The following DRC10 variants were observed in gnomAD, a reference collection of about 807,000 sequenced individuals.
DRC10 encodes the protein IQ domain-containing protein D.
At chr12:113,211,008 G>A in the DRC10 span, among the ~76,000 whole-genome samples, 1 of 152,168 alleles carries the variant, frequency 6.6e-6, no homozygotes, top group Non-Finnish European at 1.5e-5. Context: ...AAGAAACTAT[G>A]GCAGAAATTG....
At chr12:113,208,372 C>T in the DRC10 span, 1 of 1,384,474 alleles carries the variant, frequency 7.2e-7, no homozygotes, top group Middle Eastern at 2.7e-4. Context: ...TCCTCTGTCG[C>T]TTTTACACAG....
chr12:113,214,160 C>G, the DRC10 span, among the ~76,000 whole-genome samples: 2 of 152,066 alleles, frequency 1.3e-5, no homozygotes, highest in African/African-American at 2.4e-5. Context: ...GCAACAGATT[C>G]ATGATGAAAC....
At chr12:113,215,132 C>G in the DRC10 span, among the ~76,000 whole-genome samples, 1 of 152,238 alleles carries the variant, frequency 6.6e-6, no homozygotes, top group Non-Finnish European at 1.5e-5. Flanking sequence ...TTTCCACTGA[C>G]CACAAGCTAT....
chr12:113,207,239 T>C, the DRC10 span: 1 of 648,306 alleles, frequency 1.5e-6, no homozygotes, highest in Non-Finnish European at 2.8e-6. Flanking sequence ...TCCCAACTAC[T>C]TGGGAGGCTG....
chr12:113,196,792 G>A, the DRC10 span, among the ~76,000 whole-genome samples: 18 of 152,232 alleles, frequency 1.2e-4, no homozygotes, highest in Admixed American at 3.3e-4. Context: ...GGGTTTGGGC[G>A]TGTCTCGATT....
chr12:113,197,526 T>C, the DRC10 span: 1 of 1,510,902 alleles, frequency 6.6e-7, no homozygotes, highest in South Asian at 1.2e-5. Context: ...GAGAGACTTA[T>C]TCAGCGACAA....
the DRC10 span, among the ~76,000 whole-genome samples, chr12:113,208,968 G>A: frequency 6.6e-6 from 1 of 152,290 alleles, no homozygotes; most frequent in East Asian, 1.9e-4. Context: ...GTCTTGCTCT[G>A]TCGCCCAGGC....
the DRC10 span, among the ~76,000 whole-genome samples, chr12:113,219,760 C>T: frequency 7.2e-5 from 11 of 152,184 alleles, no homozygotes; most frequent in Middle Eastern, 3.4e-3. Context: ...GCAACCTCCG[C>T]CTCTTGCGAT....
chr12:113,217,301 G>T, the DRC10 span, among the ~76,000 whole-genome samples: 2 of 151,718 alleles, frequency 1.3e-5, no homozygotes, highest in African/African-American at 4.8e-5. Flanking sequence ...CACCTTTCCT[G>T]CATAGTACTA....
the DRC10 span, among the ~76,000 whole-genome samples, chr12:113,214,759 C>A: frequency 1.3e-5 from 2 of 151,898 alleles, no homozygotes; most frequent in Non-Finnish European, 2.9e-5. Flanking sequence ...TTACTCAGGG[C>A]TTGGAATTTT....
the DRC10 span, chr12:113,200,539 C>T: frequency 7.3e-5 from 98 of 1,349,070 alleles, 1 homozygote; most frequent in Non-Finnish European, 9.5e-5. Context: ...TCCCCCCCAC[C>T]AGGGGCCCCC....
At chr12:113,212,255 G>A in the DRC10 span, among the ~76,000 whole-genome samples, 2 of 151,924 alleles carry the variant, frequency 1.3e-5, no homozygotes, top group African/African-American at 4.8e-5. Context: ...TTTTAATAGA[G>A]ACAGGGTTTC....
At chr12:113,219,430 AGTTT>A in the DRC10 span, among the ~76,000 whole-genome samples, 4 of 152,162 alleles carry the variant, frequency 2.6e-5, no homozygotes, top group Admixed American at 1.3e-4. Context: ...TGAAAGCTAC[AGTTT>A]GTTTATTTAT....
At chr12:113,209,929 A>G in the DRC10 span, among the ~76,000 whole-genome samples, 3 of 152,190 alleles carry the variant, frequency 2.0e-5, no homozygotes, top group Non-Finnish European at 4.4e-5. Context: ...AGTTCAAGAC[A>G]AGCCTGGCCA....
chr12:113,206,522 G>C, the DRC10 span, among the ~76,000 whole-genome samples: 5 of 152,074 alleles, frequency 3.3e-5, no homozygotes, highest in Non-Finnish European at 7.4e-5. Context: ...GGGTGGATGC[G>C]TCAGGTTATA....
chr12:113,220,552 CA>C, the DRC10 span, among the ~76,000 whole-genome samples: 1 of 152,038 alleles, frequency 6.6e-6, no homozygotes, highest in South Asian at 2.1e-4. Context: ...CCATGCTCGG[CA>C]AAAACAACAA....
chr12:113,195,822 C>T, the DRC10 span: 1 of 1,613,910 alleles, frequency 6.2e-7, no homozygotes, highest in African/African-American at 1.3e-5. Context: ...CACTTTGTGC[C>T]TCCGCCTGAG....
the DRC10 span, chr12:113,208,061 G>A: frequency 6.2e-7 from 1 of 1,614,200 alleles, no homozygotes; most frequent in South Asian, 1.1e-5. Context: ...AGAACCAAGG[G>A]TTTTAGTGGA....
At chr12:113,216,489 C>T in the DRC10 span, among the ~76,000 whole-genome samples, 2 of 152,158 alleles carry the variant, frequency 1.3e-5, no homozygotes, top group Non-Finnish European at 2.9e-5. Context: ...ACAGAATGTA[C>T]AACACCAAGC....
Sources: gnomAD v4.1 joint callset for allele counts (sites outside exome capture counted in the v4.1 genomes callset) on GRCh38, gnomAD v4.1.1 for gene constraint, MANE v1.5 for transcripts, NCBI Gene and HGNC (gene_info 2026-07-23, HGNC 2026-07-21) for gene names.